The following SHISA6 variants were observed in gnomAD, a reference collection of about 807,000 sequenced individuals.
SHISA6 encodes protein shisa-6.
In SHISA6, 22 loss-of-function variants were observed where a neutral mutation model predicts 47.9. The ratio of observed to expected loss-of-function variants is 0.46; its 90% CI spans 0.33 to 0.66. The LOEUF is 0.66. Among genes scored for constraint, SHISA6 ranks in the 30% least tolerant of loss-of-function variants. SHISA6 has a pLI of 0.02. For synonymous variants in SHISA6, 388 were observed against 337.8 expected (o/e 1.15, Z -1.63); for missense variants, 680 against 764.6 (o/e 0.89, Z 1.30).
chr17:11,312,116 C>T lies in SHISA6; in HGVS notation c.799+48590C>T, dbSNP rs183188586. On this transcript the variant is annotated intron_variant, in intron 2 of 5. Coordinates refer to ENST00000441885, the MANE Select transcript of SHISA6 (RefSeq NM_207386.4). Reference sequence around the variant, plus strand: ...TGATAAAATATGTCAGAAATTATAACGCTTTACTTATTTTTTTTGGTCACT... The same window carrying T: ...TGATAAAATATGTCAGAAATTATAATGCTTTACTTATTTTTTTTGGTCACT... 3.0e-4 allele frequency among the ~76,000 whole-genome samples: 45 copies of T among 152,096 alleles called. 1 individual carries two copies. The highest frequency in any genetic ancestry group is 2.2e-3 in the Admixed American group (34 of 15,266).
chr17:11,554,583 G>A (rs535844397), intron 4 of SHISA6, among the ~76,000 whole-genome samples: 18 of 152,164 alleles, frequency 1.2e-4, no homozygotes, highest in Non-Finnish European at 2.5e-4. Context: ...GTTAGAGCCT[G>A]CCCCCTCTCA....
intron 2 of SHISA6, among the ~76,000 whole-genome samples, chr17:11,322,257 C>T (rs1054670456): frequency 1.3e-5 from 2 of 151,650 alleles, no homozygotes; most frequent in East Asian, 1.9e-4. Flanking sequence ...AGTCAAAGAA[C>T]GTAAAAAAGA....
intron 2 of SHISA6, among the ~76,000 whole-genome samples, chr17:11,302,513 G>GGGAT (rs1909964778): frequency 6.6e-6 from 1 of 152,170 alleles, no homozygotes; most frequent in South Asian, 2.1e-4. Context: ...TTGCAATAAG[G>GGGAT]GGATGGTACA....
At chr17:11,543,088 G>T (rs151273579) in intron 3 of SHISA6, among the ~76,000 whole-genome samples, 71 of 152,106 alleles carry the variant, frequency 4.7e-4, no homozygotes, top group African/African-American at 1.7e-3. Flanking sequence ...CAAGAAAGAA[G>T]AAATTTAAAC....
At chr17:11,459,045 A>T (rs148839396) in intron 3 of SHISA6, among the ~76,000 whole-genome samples, 4,408 of 131,660 alleles carry the variant, frequency 0.033, 87 homozygotes, top group Middle Eastern at 0.074. Flanking sequence ...CCCCGTCTCT[A>T]CTAAAAAAAA....
At chr17:11,340,615 G>T (rs1309088412) in intron 2 of SHISA6, among the ~76,000 whole-genome samples, 28 of 152,188 alleles carry the variant, frequency 1.8e-4, no homozygotes, top group Admixed American at 1.8e-3. Flanking sequence ...CCATGTGCTT[G>T]TACAGAGGGA....
intron 1 of SHISA6, among the ~76,000 whole-genome samples, chr17:11,247,282 C>T (rs190796352): frequency 6.6e-6 from 1 of 152,318 alleles, no homozygotes; most frequent in Admixed American, 6.5e-5. Context: ...GGAACCACAA[C>T]AAAAGAAGCT....
At chr17:11,343,926 T>C (rs1379464970) in intron 2 of SHISA6, among the ~76,000 whole-genome samples, 2 of 152,174 alleles carry the variant, frequency 1.3e-5, no homozygotes, top group Admixed American at 1.3e-4. Context: ...TGACTTCAAG[T>C]GGTCCACCCA....
Position 11,241,710 on chromosome 17 carries a change from C to G in SHISA6, c.288C>G (p.Gly96=), listed in dbSNP as rs766036053. The G allele has an allele frequency of 1.6e-5, 24 of 1,538,888 alleles. No homozygotes were observed. The highest frequency in any genetic ancestry group is 4.1e-5 in the African/African-American group (3 of 73,030). ...CCGTCACCTACGAGACGTGCTGGGG[C>G]TACTACGACGTGAGCGGCCAGTACG... ...SAAVTYETCW[G]YYDVSGQYDK... is the part of the protein sequence containing the mutation. The change falls in exon 1 of 6, where the codon GGC becomes GGG. Residue 96 remains glycine, a synonymous_variant. Transcript: ENST00000441885. The surrounding 1 kb of genome is among the most constrained non-coding windows in gnomAD (Gnocchi z 5.5).
In SHISA6 at chr17:11,561,218, G is replaced by C. The variant is rs2072040304; in HGVS notation, c.*2914G>C. ...CATAGAAGTACCATCCACCCTTACA[G>C]TAAAAGCCTCCCTCCTGCTCACAAA... On this transcript the variant is annotated 3_prime_UTR_variant, in exon 6 of 6. Transcript: ENST00000441885. 1 of 152,240 alleles carries C rather than the reference G, an allele frequency of 6.6e-6. No homozygotes were observed. The highest frequency in any genetic ancestry group is 2.4e-5 in the African/African-American group (1 of 41,436). The allele number at this position is 152,240 out of a possible 1,614,324, so 9.4% of individuals were successfully genotyped here.
At chr17:11,376,305 C>G (rs1912797433) in intron 2 of SHISA6, among the ~76,000 whole-genome samples, 1 of 142,744 alleles carries the variant, frequency 7.0e-6, no homozygotes, top group Non-Finnish European at 1.5e-5. Context: ...CTGCATGGGG[C>G]TTCATGTTTT....
intron 2 of SHISA6, among the ~76,000 whole-genome samples, chr17:11,343,599 C>A (rs958535893): frequency 3.9e-5 from 6 of 152,258 alleles, no homozygotes; most frequent in Non-Finnish European, 8.8e-5. Context: ...CCCCTGAGTC[C>A]CCTACCCTTT....
chr17:11,453,376 C>T (rs1306682667), intron 3 of SHISA6, among the ~76,000 whole-genome samples: 1 of 152,182 alleles, frequency 6.6e-6, no homozygotes, highest in Non-Finnish European at 1.5e-5. Flanking sequence ...TGCCCTATTC[C>T]CCTCACTCAA....
intron 2 of SHISA6, among the ~76,000 whole-genome samples, chr17:11,368,150 C>T (rs1451842523): frequency 6.6e-6 from 1 of 152,160 alleles, no homozygotes; most frequent in East Asian, 1.9e-4. Context: ...TGTGTCCAAG[C>T]AAATTCTGTC....
At chr17:11,327,173 A>G (rs1177802441) in intron 2 of SHISA6, among the ~76,000 whole-genome samples, 1 of 152,222 alleles carries the variant, frequency 6.6e-6, no homozygotes, top group Admixed American at 6.5e-5. Flanking sequence ...CAGAGACCAC[A>G]GTAACTATTT....
intron 1 of SHISA6, among the ~76,000 whole-genome samples, chr17:11,253,762 A>G (rs1907906350): frequency 6.6e-6 from 1 of 152,138 alleles, no homozygotes. Flanking sequence ...GAGTTTTTAG[A>G]ATCCAACTCT....
At chr17:11,304,307 C>T (rs1368990301) in intron 2 of SHISA6, among the ~76,000 whole-genome samples, 1 of 152,156 alleles carries the variant, frequency 6.6e-6, no homozygotes, top group African/African-American at 2.4e-5. Context: ...GTGAGCTTCA[C>T]GAGCAGAGGG....
At chr17:11,389,333 G>C (rs1400557802) in intron 3 of SHISA6, among the ~76,000 whole-genome samples, 1 of 152,198 alleles carries the variant, frequency 6.6e-6, no homozygotes, top group Non-Finnish European at 1.5e-5. Context: ...TAAACTGCAA[G>C]GCTGCTTGCT....
At chr17:11,484,465 ATCTTGGC>A (rs1440477752) in intron 3 of SHISA6, among the ~76,000 whole-genome samples, 3 of 152,162 alleles carry the variant, frequency 2.0e-5, no homozygotes, top group South Asian at 4.1e-4. Context: ...CAGTGACATG[ATCTTGGC>A]TCACTGCAAC....
Sources: allele counts gnomAD v4.1 joint callset (sites outside exome capture counted in the v4.1 genomes callset), GRCh38; gene constraint gnomAD v4.1.1; non-coding constraint Gnocchi (gnomAD v3.1); transcripts MANE v1.5; gene names NCBI Gene and HGNC (gene_info 2026-07-23, HGNC 2026-07-21).